Variants in NRXN1 observed in about 807,000 individuals in gnomAD.
NRXN1 encodes the protein neurexin-1.
A neutral mutation model predicts 150.9 loss-of-function variants in NRXN1; 39 were observed. That is an observed-to-expected ratio of 0.26 (90% confidence interval 0.20 to 0.34). NRXN1 has a LOEUF of 0.34. Among genes scored for constraint, NRXN1 ranks in the 10% least tolerant of loss-of-function variants. The pLI, the probability that NRXN1 is intolerant of heterozygous loss-of-function variation, is 1.00. For missense variants in NRXN1, 1,815 were observed against 1,949.9 expected (o/e 0.93, Z 1.30); for synonymous variants, 924 against 757.0 (o/e 1.22, Z -3.62).
intron 12 of NRXN1, among the ~76,000 whole-genome samples, chr2:50,520,543 A>T (rs548734452): frequency 2.0e-5 from 3 of 152,100 alleles, no homozygotes; most frequent in African/African-American, 4.8e-5. Flanking sequence ...ACATAATAGA[A>T]AAGCAATTTT....
At chr2:50,988,796 T>C (rs991314289) in intron 2 of NRXN1, among the ~76,000 whole-genome samples, 3 of 152,010 alleles carry the variant, frequency 2.0e-5, no homozygotes, top group African/African-American at 7.2e-5. Flanking sequence ...TTATTAGCTG[T>C]ATGAGGGTGC....
rs189044720 is a variant in NRXN1, at chr2:50,978,163, A to G, written c.772+49339T>C. ...TAAACAAAATAGGAAAAAGAAACAGATATGAAAAAGACATTACCTGTAAGT... is the reference window on the plus strand; with the variant it reads ...TAAACAAAATAGGAAAAAGAAACAGGTATGAAAAAGACATTACCTGTAAGT... On this transcript the variant is annotated intron_variant, in intron 2 of 22. Transcript: ENST00000401669. Among the ~76,000 whole-genome samples, 64 of 150,026 alleles carry G rather than the reference A, an allele frequency of 4.3e-4. 1 individual carries two copies. The highest frequency in any genetic ancestry group is 1.5e-3 in the African/African-American group (62 of 41,184).
intron 12 of NRXN1, among the ~76,000 whole-genome samples, chr2:50,514,437 A>G (rs2092565962): frequency 6.6e-6 from 1 of 152,124 alleles, no homozygotes; most frequent in South Asian, 2.1e-4. Flanking sequence ...GTTCCATGGC[A>G]CCCATATGCT....
chr2:50,344,913 C>A (rs1433905230), intron 17 of NRXN1, among the ~76,000 whole-genome samples: 1 of 152,216 alleles, frequency 6.6e-6, no homozygotes. Context: ...CACCCACCTA[C>A]CCACACTCTG....
chr2:50,271,200 AATG>A (rs1228938137), intron 17 of NRXN1, among the ~76,000 whole-genome samples: 1 of 152,204 alleles, frequency 6.6e-6, no homozygotes, highest in Non-Finnish European at 1.5e-5. Flanking sequence ...ACCTGATTGA[AATG>A]ACCTTTTAAA....
chr2:50,738,275 T>G (rs1699011724), intron 5 of NRXN1, among the ~76,000 whole-genome samples: 1 of 152,220 alleles, frequency 6.6e-6, no homozygotes, highest in Non-Finnish European at 1.5e-5. Flanking sequence ...ATCATCAAAC[T>G]GCATAAATGC....
intron 5 of NRXN1, among the ~76,000 whole-genome samples, chr2:50,854,981 T>C (rs887354223): frequency 1.3e-5 from 2 of 151,990 alleles, no homozygotes; most frequent in Admixed American, 6.6e-5. Context: ...ATTTGAATTA[T>C]GTGCAGGGCC....
intron 5 of NRXN1, among the ~76,000 whole-genome samples, chr2:50,907,731 C>G (rs1683924627): frequency 6.6e-6 from 1 of 151,886 alleles, no homozygotes; most frequent in African/African-American, 2.4e-5. Flanking sequence ...ATATAGGCAG[C>G]CTCAAAAAAG....
At chr2:49,971,253 C>G (rs911994487) in intron 21 of NRXN1, among the ~76,000 whole-genome samples, 5 of 152,108 alleles carry the variant, frequency 3.3e-5, no homozygotes, top group Non-Finnish European at 5.9e-5. Flanking sequence ...CTTATCAATG[C>G]ACCCAGATGC....
intron 5 of NRXN1, among the ~76,000 whole-genome samples, chr2:50,705,902 C>T (rs574186676): frequency 6.6e-6 from 1 of 152,132 alleles, no homozygotes; most frequent in South Asian, 2.1e-4. Flanking sequence ...CAATCAGAGG[C>T]TCTCCTACAA....
At chr2:50,815,111 C>G (rs1167673371) in intron 5 of NRXN1, among the ~76,000 whole-genome samples, 2 of 151,830 alleles carry the variant, frequency 1.3e-5, no homozygotes, top group Non-Finnish European at 2.9e-5. Context: ...TCAAGTTAAA[C>G]CAATTTACCT....
At chr2:50,666,219 G>A (rs974059789) in intron 5 of NRXN1, among the ~76,000 whole-genome samples, 4 of 151,896 alleles carry the variant, frequency 2.6e-5, no homozygotes, top group African/African-American at 7.2e-5. Flanking sequence ...TCTATGATAT[G>A]CACATCAGTT....
chr2:50,190,895 G>A (rs1249606050), intron 18 of NRXN1, among the ~76,000 whole-genome samples: 1 of 151,922 alleles, frequency 6.6e-6, no homozygotes, highest in Non-Finnish European at 1.5e-5. Flanking sequence ...TTACAGGCAT[G>A]AGCCACCACA....
chr2:49,999,501 G>C (rs1683555520), intron 21 of NRXN1, among the ~76,000 whole-genome samples: 1 of 152,046 alleles, frequency 6.6e-6, no homozygotes, highest in South Asian at 2.1e-4. Context: ...GCTCAAAAAT[G>C]GTTGTTGAAT....
chr2:50,535,608 G>GTTTA (rs1273044258), intron 10 of NRXN1, among the ~76,000 whole-genome samples: 3 of 152,112 alleles, frequency 2.0e-5, no homozygotes, highest in African/African-American at 7.2e-5. Context: ...CAAATTCTCA[G>GTTTA]TTTTATTAAA....
At chr2:50,637,224 T>C (rs1231361336) in intron 5 of NRXN1, among the ~76,000 whole-genome samples, 2 of 152,178 alleles carry the variant, frequency 1.3e-5, no homozygotes, top group East Asian at 3.9e-4. Flanking sequence ...TTATTAATTA[T>C]ATACTGGGTC....
chr2:50,704,209 A>G (rs1368456639), intron 5 of NRXN1, among the ~76,000 whole-genome samples: 2 of 152,100 alleles, frequency 1.3e-5, no homozygotes, highest in Non-Finnish European at 2.9e-5. Context: ...GAGAAGAAAG[A>G]TTATAAAAGA....
rs908940909 is a variant in NRXN1 at position 50,495,416 on chromosome 2, T to C, written c.3070+489A>G. Among the ~76,000 whole-genome samples the C allele has an allele frequency of 6.8e-5, 9 of 131,964 alleles. No homozygotes were observed. The East Asian group carries it at 1.1e-3, about 16-fold the overall frequency. 86.6% of individuals were successfully genotyped at this position (131,964 alleles called of 152,430 possible). ...GTGTGTGTGTGTGTGTGTGTGTGTGTGTGTTGGGATGGGGGATAGAATTCA... is the reference window on the plus strand; with the variant it reads ...GTGTGTGTGTGTGTGTGTGTGTGTGCGTGTTGGGATGGGGGATAGAATTCA... On this transcript the variant is annotated intron_variant, in intron 15 of 22. Coordinates refer to ENST00000401669, the MANE Select transcript of NRXN1 (RefSeq NM_001330078.2).
intron 21 of NRXN1, among the ~76,000 whole-genome samples, chr2:50,017,329 T>C (rs1419932729): frequency 6.6e-6 from 1 of 152,158 alleles, no homozygotes; most frequent in Non-Finnish European, 1.5e-5. Context: ...CAAAATATTT[T>C]TGAAATGAAA....
Sources: allele counts gnomAD v4.1 joint callset (sites outside exome capture counted in the v4.1 genomes callset), GRCh38; gene constraint gnomAD v4.1.1; transcripts MANE v1.5; gene names NCBI Gene and HGNC (gene_info 2026-07-23, HGNC 2026-07-21).